The following CTNND2 variants were observed in gnomAD, a reference collection of about 807,000 sequenced individuals.
CTNND2 encodes catenin delta 2.
In CTNND2, 22 loss-of-function variants were observed where a neutral mutation model predicts 144.4. The observed-to-expected ratio is 0.15, with a 90% CI of 0.11 to 0.22. The LOEUF is 0.22. CTNND2 is among the 10% of genes least tolerant of loss of function. CTNND2 has a pLI of 1.00. For missense variants in CTNND2, 1,353 were observed against 1,618.8 expected (o/e 0.84, Z 2.82); for synonymous variants, 751 against 695.6 (o/e 1.08, Z -1.25).
At chr5:11,723,496 A>G (rs1786807073) in intron 2 of CTNND2, among the ~76,000 whole-genome samples, 1 of 152,210 alleles carries the variant, frequency 6.6e-6, no homozygotes, top group African/African-American at 2.4e-5. Flanking sequence ...GGGAAAAAGC[A>G]TATGATCAAT....
At chr5:11,178,493 G>A (rs558358987) in intron 11 of CTNND2, among the ~76,000 whole-genome samples, 1 of 152,310 alleles carries the variant, frequency 6.6e-6, no homozygotes, top group African/African-American at 2.4e-5. Flanking sequence ...ATAGGTTAAT[G>A]TAGGTGATAG....
At chr5:11,100,331 G>C (rs192618906) in intron 14 of CTNND2, among the ~76,000 whole-genome samples, 4 of 152,192 alleles carry the variant, frequency 2.6e-5, no homozygotes, top group Non-Finnish European at 5.9e-5. Context: ...ACTCAGTGTG[G>C]GAAGCTTCCT....
intron 9 of CTNND2, among the ~76,000 whole-genome samples, chr5:11,247,225 TG>T (rs1743093576): frequency 6.6e-6 from 1 of 152,148 alleles, no homozygotes; most frequent in African/African-American, 2.4e-5. Context: ...TGGGGGCAGA[TG>T]GTGGCTCAGC....
chr5:11,010,729 T>A (rs74375678), intron 18 of CTNND2, among the ~76,000 whole-genome samples: 2 of 152,322 alleles, frequency 1.3e-5, no homozygotes, highest in African/African-American at 4.8e-5. Flanking sequence ...GTGAGTGCAA[T>A]GGCCGCAAGA....
At chr5:11,669,761 C>T (rs1581697016) in intron 2 of CTNND2, among the ~76,000 whole-genome samples, 1 of 151,774 alleles carries the variant, frequency 6.6e-6, no homozygotes, top group East Asian at 1.9e-4. Flanking sequence ...CAGGTCTTCT[C>T]TGATTTTAGT....
chr5:11,176,760 C>G (rs1051700119), intron 11 of CTNND2, among the ~76,000 whole-genome samples: 1 of 152,030 alleles, frequency 6.6e-6, no homozygotes, highest in Non-Finnish European at 1.5e-5. Flanking sequence ...GCTAAAAATC[C>G]AACCATAACC....
rs995660830 is a variant in CTNND2 at position 11,344,265 on chromosome 5, G to A, written c.1628+2107C>T. On this transcript the variant is annotated intron_variant, in intron 9 of 21. Transcript: ENST00000304623. ...AAATTAGCCGGGCGCGGTGGCGGGC[G>A]CCTGTAGTCCCAGCTACTCGGGAGG... Among the ~76,000 whole-genome samples, 17 of 152,204 alleles carry A rather than the reference G, an allele frequency of 1.1e-4. No individual in the cohort carries two copies. In the East Asian group the frequency reaches 1.9e-3, roughly 17 times the overall value.
At chr5:11,667,788 T>C (rs1393122915) in intron 2 of CTNND2, among the ~76,000 whole-genome samples, 5 of 152,232 alleles carry the variant, frequency 3.3e-5, no homozygotes, top group Admixed American at 6.5e-5. Flanking sequence ...CATTTTTCTA[T>C]TTTGGCTTTT....
chr5:11,001,879 C>T (rs866979067), intron 18 of CTNND2, among the ~76,000 whole-genome samples: 13 of 152,176 alleles, frequency 8.5e-5, no homozygotes, highest in Non-Finnish European at 7.3e-5. Flanking sequence ...CCTCTTTAAC[C>T]GGTCTGGAAA....
chr5:11,004,394 C>G (rs1167352009), intron 18 of CTNND2, among the ~76,000 whole-genome samples: 1 of 152,226 alleles, frequency 6.6e-6, no homozygotes, highest in Non-Finnish European at 1.5e-5. Context: ...TACATATACA[C>G]TCATCACTGG....
chr5:11,742,407 C>G (rs760991495), intron 1 of CTNND2, among the ~76,000 whole-genome samples: 5 of 152,098 alleles, frequency 3.3e-5, no homozygotes, highest in Non-Finnish European at 5.9e-5. Context: ...TTCCTGCCCC[C>G]TCACACCAAA....
chr5:11,031,650 T>C (rs544181751), intron 16 of CTNND2, among the ~76,000 whole-genome samples: 1 of 152,206 alleles, frequency 6.6e-6, no homozygotes. Flanking sequence ...AGTCAGTGGA[T>C]TGGGAGAGAC....
intron 6 of CTNND2, among the ~76,000 whole-genome samples, chr5:11,387,390 T>C (rs1759201007): frequency 6.6e-6 from 1 of 152,066 alleles, no homozygotes; most frequent in South Asian, 2.1e-4. Context: ...CCAACACTGC[T>C]CCAGAAGACA....
At chr5:11,082,904 T>C (rs1580234167) in intron 15 of CTNND2, 58 bp from the exon 16 acceptor site, 1 of 1,586,774 alleles carries the variant, frequency 6.3e-7, no homozygotes. Flanking sequence ...TGCATGCAAA[T>C]AGTACATTTG....
chr5:11,012,952 C>G (rs1245643893), intron 18 of CTNND2, among the ~76,000 whole-genome samples: 1 of 152,202 alleles, frequency 6.6e-6, no homozygotes, highest in Non-Finnish European at 1.5e-5. Flanking sequence ...TGTGGAAAGG[C>G]TGACATATTA....
intron 3 of CTNND2, among the ~76,000 whole-genome samples, chr5:11,414,816 A>C (rs1761805249): frequency 1.3e-5 from 2 of 152,254 alleles, no homozygotes; most frequent in Middle Eastern, 3.4e-3. Flanking sequence ...AGTTCTCATC[A>C]TTTAGCTCCC....
At chr5:11,211,017 T>C (rs1402640410) in intron 10 of CTNND2, among the ~76,000 whole-genome samples, 1 of 152,232 alleles carries the variant, frequency 6.6e-6, no homozygotes, top group Admixed American at 6.5e-5. Flanking sequence ...CTAGTCATTA[T>C]TTTGTAATCT....
rs116356999 is a variant in CTNND2 at position 11,483,089 on chromosome 5, A to G, written c.288-71020T>C. On this transcript the variant is annotated intron_variant, in intron 3 of 21. Transcript: ENST00000304623. ...CTATTGAGGTGATTTTGCTCCTATC[A>G]AAGGCAGAAGTGGATGGAGGACAGT... 7.3e-3 allele frequency among the ~76,000 whole-genome samples: 1,114 copies of G among 152,260 alleles called. 18 individuals are homozygous for G. The highest frequency in any genetic ancestry group is 0.026 in the African/African-American group (1,077 of 41,562).
intron 1 of CTNND2, among the ~76,000 whole-genome samples, chr5:11,736,866 T>C (rs907463741): frequency 3.3e-5 from 5 of 152,326 alleles, no homozygotes; most frequent in African/African-American, 7.2e-5. Flanking sequence ...TTCTGTACAA[T>C]GTTTTTTACA....
Sources: gnomAD v4.1 joint callset for allele counts (sites outside exome capture counted in the v4.1 genomes callset) on GRCh38, gnomAD v4.1.1 for gene constraint, MANE v1.5 for transcripts, NCBI Gene and HGNC (gene_info 2026-07-23, HGNC 2026-07-21) for gene names.